DOCK3: variants seen among roughly 807,000 people sequenced by gnomAD.
DOCK3 encodes dedicator of cytokinesis 3.
Under a neutral mutation model 265.6 loss-of-function variants are expected in DOCK3, and 60 were observed. The ratio of observed to expected loss-of-function variants is 0.23; its 90% CI spans 0.18 to 0.28. The LOEUF is 0.28. Among genes scored for constraint, DOCK3 ranks in the 10% least tolerant of loss-of-function variants. The pLI, the probability that DOCK3 is intolerant of heterozygous loss-of-function variation, is 1.00. For synonymous variants in DOCK3, 881 were observed against 938.0 expected (o/e 0.94, Z 1.11); for missense variants, 1,981 against 2,594.3 (o/e 0.76, Z 5.14).
chr3:50,720,935 C>T (rs2037441515), intron 1 of DOCK3, among the ~76,000 whole-genome samples: 1 of 152,120 alleles, frequency 6.6e-6, no homozygotes, highest in South Asian at 2.1e-4. Flanking sequence ...TTTTGATTTA[C>T]ACTTCTCTAG....
chr3:50,787,873 C>G (rs2042268342), intron 2 of DOCK3: 1 of 1,068,514 alleles, frequency 9.4e-7, no homozygotes, highest in African/African-American at 1.6e-5. Flanking sequence ...AAGAGGTACC[C>G]TTTTCCCCTT....
At chr3:51,249,455 G>A (rs1178544385) in intron 22 of DOCK3, among the ~76,000 whole-genome samples, 1 of 117,324 alleles carries the variant, frequency 8.5e-6, no homozygotes, top group African/African-American at 3.3e-5. Flanking sequence ...CTACTGGGAA[G>A]TGAGGAGCCC....
chr3:50,888,681 G>A (rs546579849), intron 3 of DOCK3, among the ~76,000 whole-genome samples: 12 of 152,210 alleles, frequency 7.9e-5, no homozygotes, highest in African/African-American at 2.9e-4. Flanking sequence ...CAATGGAACA[G>A]AACAGAGCCC....
chr3:51,241,701 C>T (rs1257663911), intron 21 of DOCK3, among the ~76,000 whole-genome samples: 1 of 152,152 alleles, frequency 6.6e-6, no homozygotes, highest in African/African-American at 2.4e-5. Flanking sequence ...CTTTCCCGAA[C>T]TTGGTCTATT....
rs1256467625 is a variant in DOCK3, at chr3:51,160,601, C to T, written c.936C>T (p.His312=). The change falls in exon 12 of 53, where the codon CAC becomes CAT. Residue 312 remains histidine, a synonymous_variant. Transcript: ENST00000266037. ...CAAAGAAAGGTCCTCCTCACCTGCA[C>T]TACAGGCGACCATATGGCTGTGCGG... ...NDSKKGPPHL[H]YRRPYGCAVL... 11 of 1,613,036 alleles carry T rather than the reference C, an allele frequency of 6.8e-6. No individual in the cohort carries two copies. Among genetic ancestry groups the T allele is most frequent in the Non-Finnish European group, 9.3e-6 (11 of 1,179,458 alleles).
intron 12 of DOCK3, among the ~76,000 whole-genome samples, chr3:51,167,559 T>C (rs572637832): frequency 6.6e-6 from 1 of 152,296 alleles, no homozygotes; most frequent in Middle Eastern, 3.4e-3. Flanking sequence ...ATTTTGAAAA[T>C]ATTAATTCTT....
chr3:51,279,938 G>C (rs1325356936), intron 26 of DOCK3, among the ~76,000 whole-genome samples, 168 bp from the exon 27 acceptor site: 1 of 152,152 alleles, frequency 6.6e-6, no homozygotes, highest in East Asian at 1.9e-4. Flanking sequence ...AATCCCTCCA[G>C]GCTTTCCTTA....
At chr3:51,372,721 C>T (rs1007999555) in intron 49 of DOCK3, among the ~76,000 whole-genome samples, 4 of 152,128 alleles carry the variant, frequency 2.6e-5, no homozygotes, top group African/African-American at 4.8e-5. Flanking sequence ...GTGTGTTTTC[C>T]GGTGCATACT....
chr3:51,095,488 A>G (rs1433620223), intron 9 of DOCK3, among the ~76,000 whole-genome samples: 2 of 152,092 alleles, frequency 1.3e-5, no homozygotes, highest in African/African-American at 4.8e-5. Context: ...AGCTTCAACC[A>G]CAGCCCTCCT....
chr3:50,681,364 T>TA (rs1377895504), intron 1 of DOCK3, among the ~76,000 whole-genome samples: 5 of 152,238 alleles, frequency 3.3e-5, no homozygotes, highest in African/African-American at 1.2e-4. Flanking sequence ...TTGAATTTTT[T>TA]AAAATTTTTG....
intron 3 of DOCK3, among the ~76,000 whole-genome samples, chr3:50,889,066 G>GGT (rs36180907): frequency 0.069 from 9,215 of 134,138 alleles, 299 homozygotes; most frequent in Middle Eastern, 0.088. Flanking sequence ...TTAAGCCATG[G>GGT]GTGTGTGTGT....
At chr3:50,812,802 G>A (rs576727593) in intron 2 of DOCK3, among the ~76,000 whole-genome samples, 2 of 152,144 alleles carry the variant, frequency 1.3e-5, no homozygotes, top group Non-Finnish European at 2.9e-5. Context: ...CAAATATCTG[G>A]GCATCCTGTG....
chr3:51,141,299 G>GTTTTTTTTTTTTTTT (rs34416506), intron 9 of DOCK3, among the ~76,000 whole-genome samples: 1 of 142,930 alleles, frequency 7.0e-6, no homozygotes, highest in Non-Finnish European at 1.5e-5. Flanking sequence ...TTCCTGGAGA[G>GTTTTTTTTTTTTTTT]TTTTTTTTTT....
At chr3:51,270,471 A>C (rs2080437443) in intron 23 of DOCK3, among the ~76,000 whole-genome samples, 1 of 152,196 alleles carries the variant, frequency 6.6e-6, no homozygotes, top group African/African-American at 2.4e-5. Context: ...CATAGAGACA[A>C]ACAAAAATCT....
At chr3:50,897,659 A>G (rs2048967286) in intron 4 of DOCK3, among the ~76,000 whole-genome samples, 1 of 151,048 alleles carries the variant, frequency 6.6e-6, no homozygotes, top group Non-Finnish European at 1.5e-5. Context: ...TTCAATCGGT[A>G]TAGTTTATTG....
intron 4 of DOCK3, among the ~76,000 whole-genome samples, chr3:50,915,710 C>T (rs1181854366): frequency 6.6e-5 from 10 of 151,980 alleles, no homozygotes; most frequent in Non-Finnish European, 1.5e-4. Flanking sequence ...CAGGGAGGTG[C>T]TTCAGCTGAG....
chr3:50,913,443 C>T (rs1375782290), intron 4 of DOCK3, among the ~76,000 whole-genome samples: 1 of 152,000 alleles, frequency 6.6e-6, no homozygotes, highest in African/African-American at 2.4e-5. Context: ...TCAGCACTCC[C>T]TTAGTTGCTT....
intron 22 of DOCK3, among the ~76,000 whole-genome samples, chr3:51,249,609 A>G (rs2079077235): frequency 1.9e-5 from 2 of 105,742 alleles, no homozygotes; most frequent in East Asian, 3.2e-4. Flanking sequence ...TGGGGGGGTC[A>G]GCCCCCCGCC....
intron 5 of DOCK3, among the ~76,000 whole-genome samples, chr3:51,006,450 T>C (rs1272964260): frequency 1.3e-5 from 2 of 152,186 alleles, no homozygotes; most frequent in African/African-American, 4.8e-5. Context: ...CAAAATACTT[T>C]AAAATGGTTC....
Sources: gnomAD v4.1 joint callset for allele counts (sites outside exome capture counted in the v4.1 genomes callset) on GRCh38, gnomAD v4.1.1 for gene constraint, MANE v1.5 for transcripts, NCBI Gene and HGNC (gene_info 2026-07-23, HGNC 2026-07-21) for gene names.